Variants in PDE4B observed in about 807,000 individuals in gnomAD.
The protein encoded by PDE4B is phosphodiesterase 4B.
PDE4B carries 20 observed loss-of-function variants against 82.2 expected under a neutral mutation model. The observed-to-expected ratio is 0.24, with a 90% CI of 0.17 to 0.35. The LOEUF is 0.35. PDE4B is among the 10% of genes least tolerant of loss of function. The probability of loss-of-function intolerance (pLI) is 1.00; values close to 1 mark genes in which losing one functional copy is unlikely to be tolerated. For synonymous variants in PDE4B, 320 were observed against 318.9 expected (o/e 1.00, Z -0.04); for missense variants, 655 against 907.2 (o/e 0.72, Z 3.57).
chr1:66,331,364 A>T (rs1043451972), intron 7 of PDE4B, among the ~76,000 whole-genome samples: 2 of 152,204 alleles, frequency 1.3e-5, no homozygotes, highest in Non-Finnish European at 2.9e-5. Flanking sequence ...AGGAGAGTCC[A>T]AGTGCTTTTT....
chr1:66,275,644 G>A (rs1655826561), intron 7 of PDE4B, among the ~76,000 whole-genome samples: 1 of 152,266 alleles, frequency 6.6e-6, no homozygotes, highest in South Asian at 2.1e-4. Context: ...TTCCCCAAGT[G>A]GGTATGATCC....
At chr1:65,876,099 T>A (rs1018131572) in intron 1 of PDE4B, among the ~76,000 whole-genome samples, 3 of 152,130 alleles carry the variant, frequency 2.0e-5, no homozygotes, top group African/African-American at 7.2e-5. Context: ...TTTTTAGAAT[T>A]TAAAGAACAG....
At position 66,179,943 on chromosome 1, in the gene PDE4B, C is replaced by T. The variant is rs1178927366; in HGVS notation, c.282-67517C>T. Reference sequence around the variant, plus strand: ...TGGGGCCTAATTGACCAAGAGTCCCCCTAAAGATCCATCCCTATTCTATAG... The same window carrying T: ...TGGGGCCTAATTGACCAAGAGTCCCTCTAAAGATCCATCCCTATTCTATAG... On this transcript the variant is annotated intron_variant, in intron 3 of 16. Transcript: ENST00000341517. Among the ~76,000 whole-genome samples the T allele has an allele frequency of 2.6e-5, 4 of 152,078 alleles. 1 individual carries two copies. The highest frequency in any genetic ancestry group is 5.9e-5 in the Non-Finnish European group (4 of 68,018).
intron 3 of PDE4B, among the ~76,000 whole-genome samples, chr1:66,212,714 A>G (rs1650160012): frequency 6.6e-6 from 1 of 152,198 alleles, no homozygotes; most frequent in Non-Finnish European, 1.5e-5. Context: ...TTAAACATTC[A>G]ATGAACTGAC....
chr1:65,886,038 T>A (rs1447571630), intron 1 of PDE4B, among the ~76,000 whole-genome samples: 2 of 151,472 alleles, frequency 1.3e-5, no homozygotes, highest in Non-Finnish European at 2.9e-5. Flanking sequence ...CATTCTGGAT[T>A]TCAGAGAGTT....
chr1:66,241,664 A>G (rs887533319), intron 3 of PDE4B, among the ~76,000 whole-genome samples: 1 of 152,144 alleles, frequency 6.6e-6, no homozygotes, highest in African/African-American at 2.4e-5. Context: ...ACCGAGGAGA[A>G]TATTTTCCAA....
chr1:66,218,990 A>G (rs1650742208), intron 3 of PDE4B, among the ~76,000 whole-genome samples: 1 of 152,150 alleles, frequency 6.6e-6, no homozygotes, highest in Non-Finnish European at 1.5e-5. Flanking sequence ...TGCCAACAGT[A>G]TTTGATAGCA....
intron 3 of PDE4B, among the ~76,000 whole-genome samples, chr1:66,233,727 G>A (rs1448275209): frequency 6.6e-6 from 1 of 151,968 alleles, no homozygotes; most frequent in Non-Finnish European, 1.5e-5. Context: ...AAGGATGGAT[G>A]TTGAACTTTA....
intron 3 of PDE4B, among the ~76,000 whole-genome samples, chr1:65,920,955 A>ATT (rs1569685150): frequency 3.4e-4 from 34 of 100,352 alleles, no homozygotes; most frequent in Non-Finnish European, 5.1e-4. Flanking sequence ...AACTAAAAGC[A>ATT]TTTCTTTTTT....
At chr1:65,896,775 T>C (rs1646914976) in intron 1 of PDE4B, among the ~76,000 whole-genome samples, 1 of 152,166 alleles carries the variant, frequency 6.6e-6, no homozygotes, top group African/African-American at 2.4e-5. Flanking sequence ...TTCGTCCTTT[T>C]GTGGTGATTG....
At chr1:66,180,718 A>G (rs1647045755) in intron 3 of PDE4B, among the ~76,000 whole-genome samples, 2 of 152,208 alleles carry the variant, frequency 1.3e-5, no homozygotes, top group African/African-American at 4.8e-5. Context: ...CAGATTGCCC[A>G]CAGTTATGAA....
chr1:65,849,970 A>C (rs966804691), intron 1 of PDE4B, among the ~76,000 whole-genome samples: 1 of 152,236 alleles, frequency 6.6e-6, no homozygotes, highest in South Asian at 2.1e-4. Context: ...TCACTGAGTC[A>C]TATGTTATGT....
At chr1:66,138,373 G>T (rs1454196364) in intron 3 of PDE4B, among the ~76,000 whole-genome samples, 2 of 152,102 alleles carry the variant, frequency 1.3e-5, no homozygotes, top group African/African-American at 4.8e-5. Context: ...ACAAAAATTT[G>T]CTGGGCATGG....
intron 3 of PDE4B, among the ~76,000 whole-genome samples, chr1:66,166,473 C>T (rs574930980): frequency 2.0e-4 from 31 of 152,286 alleles, no homozygotes; most frequent in African/African-American, 7.2e-4. Flanking sequence ...GGTTGGCTCA[C>T]ACCTGCAATT....
intron 7 of PDE4B, among the ~76,000 whole-genome samples, chr1:66,276,340 T>C (rs1338463498): frequency 6.6e-6 from 1 of 152,252 alleles, no homozygotes; most frequent in Non-Finnish European, 1.5e-5. Flanking sequence ...AAGTTAGTGA[T>C]AGAATCAGAA....
intron 3 of PDE4B, among the ~76,000 whole-genome samples, chr1:66,054,337 A>C (rs1655192253): frequency 1.3e-5 from 2 of 152,206 alleles, no homozygotes; most frequent in Admixed American, 1.3e-4. Context: ...AATTGATAGC[A>C]AAAAAGCACA....
intron 3 of PDE4B, among the ~76,000 whole-genome samples, chr1:66,191,978 G>T (rs1204951692): frequency 6.6e-6 from 1 of 152,112 alleles, no homozygotes; most frequent in Non-Finnish European, 1.5e-5. Context: ...CAACACTTGG[G>T]AATTATGGGA....
chr1:66,363,832 A>G (rs2102039247), intron 12 of PDE4B, among the ~76,000 whole-genome samples: 1 of 152,328 alleles, frequency 6.6e-6, no homozygotes, highest in Middle Eastern at 3.4e-3. Flanking sequence ...TACAAAATTA[A>G]TGTAATTAGA....
chr1:65,990,285 T>G (rs2100674992), intron 3 of PDE4B, among the ~76,000 whole-genome samples: 1 of 152,282 alleles, frequency 6.6e-6, no homozygotes, highest in South Asian at 2.1e-4. Flanking sequence ...TTATCTAAAC[T>G]CCAGTTCACA....
Sources: gnomAD v4.1 joint callset for allele counts (sites outside exome capture counted in the v4.1 genomes callset) on GRCh38, gnomAD v4.1.1 for gene constraint, MANE v1.5 for transcripts, NCBI Gene and HGNC (gene_info 2026-07-23, HGNC 2026-07-21) for gene names.